The following CDH23 variants were observed in gnomAD, a reference collection of about 807,000 sequenced individuals.
The protein encoded by CDH23 is cadherin-23.
CDH23 carries 189 observed loss-of-function variants against 317.1 expected under a neutral mutation model. The observed-to-expected ratio is 0.60, with a 90% confidence interval of 0.53 to 0.67. The LOEUF is 0.67. Among genes scored for constraint, CDH23 ranks in the 30% least tolerant of loss-of-function variants. The pLI is 0.00. For missense variants in CDH23, 4,401 were observed against 4,592.4 expected, an observed-to-expected ratio of 0.96 and a Z score of 1.20; for synonymous variants, 1,839 against 1,876.8, an observed-to-expected ratio of 0.98 and a Z score of 0.52.
At chr10:71,680,760 AAAAG>A (rs1423340360) in intron 17 of CDH23, among the ~76,000 whole-genome samples, 1 of 146,650 alleles carries the variant, frequency 6.8e-6, no homozygotes. Flanking sequence ...AAAAAAAAAA[AAAAG>A]AAAAAGAAAT....
chr10:71,771,726 C>A (rs1476088887), intron 38 of CDH23, among the ~76,000 whole-genome samples: 2 of 152,216 alleles, frequency 1.3e-5, no homozygotes, highest in African/African-American at 4.8e-5. Flanking sequence ...GTTTGAGTAG[C>A]CAAGACCTCT....
chr10:71,762,137 G>C, intron 38 of CDH23: 1 of 1,281,848 alleles, frequency 7.8e-7, no homozygotes, highest in South Asian at 1.5e-5. Flanking sequence ...CAGGCCAGGG[G>C]CATGTCAGCT....
intron 36 of CDH23, 85 bp downstream of exon 36, chr10:71,739,857 C>T: frequency 2.1e-6 from 3 of 1,439,340 alleles, no homozygotes; most frequent in African/African-American, 1.4e-5. Context: ...GAGAGCCTGT[C>T]CATCAGCACA....
intron 66 of CDH23, 64 bp downstream of exon 66, chr10:71,812,079 G>A (rs1198221961): frequency 4.3e-6 from 7 of 1,612,468 alleles, no homozygotes; most frequent in Non-Finnish European, 5.9e-6. Context: ...CAGCTGGGGA[G>A]AGCTGCAGTC....
rs762713353 is a variant in CDH23, at chr10:71,730,624, G to C, written c.3715+20G>C. Reference sequence around the variant, plus strand: ...ACTCTGGTGAGGCTGGCAGGAGGAAGCCGGGGATCCCATTGCTCAGAGCAA... The same window carrying C: ...ACTCTGGTGAGGCTGGCAGGAGGAACCCGGGGATCCCATTGCTCAGAGCAA... On this transcript the variant is annotated intron_variant, in intron 31 of 69. Coordinates refer to ENST00000224721, the MANE Select transcript of CDH23 (RefSeq NM_022124.6). 2.5e-6 allele frequency: 4 copies of C among 1,613,018 alleles called. No homozygotes were observed. Among genetic ancestry groups the C allele is most frequent in the African/African-American group, 2.7e-5 (2 of 74,936 alleles).
chr10:71,779,198 G>T (rs1307362633), intron 40 of CDH23, 69 bp from the exon 41 acceptor site: 25 of 1,446,100 alleles, frequency 1.7e-5, no homozygotes, highest in Non-Finnish European at 2.2e-5. Flanking sequence ...ATTTCACAGA[G>T]GAAGGAACTG....
At chr10:71,593,219 T>C (rs533250403) in intron 9 of CDH23, among the ~76,000 whole-genome samples, 1 of 152,102 alleles carries the variant, frequency 6.6e-6, no homozygotes, top group East Asian at 1.9e-4. Context: ...GCACCGCAAA[T>C]CACCGAGGAA....
chr10:71,489,383 A>G (rs1589130517), intron 3 of CDH23, among the ~76,000 whole-genome samples: 1 of 152,352 alleles, frequency 6.6e-6, no homozygotes, highest in East Asian at 1.9e-4. Context: ...TTTGAAATTC[A>G]AATGATCATA....
chr10:71,472,547 C>T (rs1020406241), intron 3 of CDH23, among the ~76,000 whole-genome samples: 3 of 152,250 alleles, frequency 2.0e-5, no homozygotes, highest in African/African-American at 7.2e-5. Flanking sequence ...ACAGTGCTGG[C>T]CCAGCATTCA....
At chr10:71,647,184 C>T (rs1255832844) in intron 14 of CDH23, 4 of 775,576 alleles carry the variant, frequency 5.2e-6, no homozygotes, top group Admixed American at 6.2e-5. Flanking sequence ...GATTTCAGGC[C>T]GGGCTCGGTG....
At chr10:71,660,926 C>T (rs1481162683) in intron 14 of CDH23, among the ~76,000 whole-genome samples, 3 of 152,168 alleles carry the variant, frequency 2.0e-5, no homozygotes, top group Admixed American at 2.0e-4. Context: ...ATATTGAGGA[C>T]CTGGTGCCAA....
intron 38 of CDH23, among the ~76,000 whole-genome samples, chr10:71,746,840 C>T (rs1289063085): frequency 2.0e-5 from 3 of 152,220 alleles, no homozygotes; most frequent in Admixed American, 2.0e-4. Context: ...GGACAGAAAT[C>T]TCCCACCGCC....
chr10:71,467,283 T>C (rs1851301208), intron 3 of CDH23, among the ~76,000 whole-genome samples: 1 of 152,184 alleles, frequency 6.6e-6, no homozygotes, highest in Admixed American at 6.5e-5. Context: ...TAGGTGATAA[T>C]GTATGCCAGT....
chr10:71,735,154 T>A (rs1839523553), intron 34 of CDH23, among the ~76,000 whole-genome samples: 1 of 152,172 alleles, frequency 6.6e-6, no homozygotes, highest in Admixed American at 6.5e-5. Flanking sequence ...TCCTGATGCC[T>A]CAGCTGCTGC....
chr10:71,540,817 T>A (rs1027422746), intron 6 of CDH23, among the ~76,000 whole-genome samples: 1 of 152,014 alleles, frequency 6.6e-6, no homozygotes, highest in Non-Finnish European at 1.5e-5. Flanking sequence ...TTATCCAGCA[T>A]GACATAGCCG....
At chr10:71,555,310 C>T (rs569868553) in intron 6 of CDH23, among the ~76,000 whole-genome samples, 21 of 152,174 alleles carry the variant, frequency 1.4e-4, no homozygotes, top group Middle Eastern at 3.2e-3. Flanking sequence ...ATCAGGGCTG[C>T]ACCGTCACCA....
intron 11 of CDH23, among the ~76,000 whole-genome samples, chr10:71,624,524 C>A (rs1238654779): frequency 1.3e-5 from 2 of 152,124 alleles, no homozygotes; most frequent in East Asian, 3.9e-4. Context: ...GTATTTAGAA[C>A]AGTGCCAACC....
At chr10:71,404,105 A>G (rs1847986455) in intron 1 of CDH23, among the ~76,000 whole-genome samples, 1 of 152,222 alleles carries the variant, frequency 6.6e-6, no homozygotes, top group African/African-American at 2.4e-5. Flanking sequence ...AAAATAAATA[A>G]ATAAATAAAT....
intron 6 of CDH23, among the ~76,000 whole-genome samples, chr10:71,534,249 G>T (rs1024796029): frequency 6.6e-6 from 1 of 152,224 alleles, no homozygotes; most frequent in East Asian, 1.9e-4. Flanking sequence ...CTGAATCTGG[G>T]TCAGGCTGGC....
Sources: gnomAD v4.1 joint callset for allele counts (sites outside exome capture counted in the v4.1 genomes callset) on GRCh38, gnomAD v4.1.1 for gene constraint, MANE v1.5 for transcripts, NCBI Gene and HGNC (gene_info 2026-07-23, HGNC 2026-07-21) for gene names.